RBMS3: variants seen among roughly 807,000 people sequenced by gnomAD.
RBMS3 encodes the protein RNA-binding motif, single-stranded-interacting protein 3.
RBMS3 carries 27 observed loss-of-function variants against 66.8 expected under a neutral mutation model. That is an observed-to-expected ratio of 0.40 (90% CI 0.30 to 0.56). The LOEUF (loss-of-function observed/expected upper bound fraction) is 0.56, where lower values mean the gene tolerates loss of function less well. Ranked by LOEUF, RBMS3 falls within the 20% of genes least tolerant of loss-of-function variation. The probability of loss-of-function intolerance (pLI) is 0.40; values close to 1 mark genes in which losing one functional copy is unlikely to be tolerated. For synonymous variants in RBMS3, 188 were observed against 183.0 expected (o/e 1.03, Z -0.22); for missense variants, 513 against 549.5 (o/e 0.93, Z 0.66).
chr3:29,428,784 C>T (rs2041065273), intron 1 of RBMS3, among the ~76,000 whole-genome samples: 1 of 152,156 alleles, frequency 6.6e-6, no homozygotes. Flanking sequence ...AACCATGAAT[C>T]TTGACAAATG....
chr3:29,297,060 T>A (rs1044491774), intron 1 of RBMS3, among the ~76,000 whole-genome samples: 10 of 151,450 alleles, frequency 6.6e-5, no homozygotes, highest in Non-Finnish European at 1.5e-5. Context: ...ACGAAAACAG[T>A]GTGGTTAGGT....
chr3:29,334,512 T>C (rs768190556), intron 1 of RBMS3, among the ~76,000 whole-genome samples: 6 of 152,164 alleles, frequency 3.9e-5, no homozygotes, highest in Non-Finnish European at 7.4e-5. Flanking sequence ...AGTTTAATTT[T>C]TTTTTGCAGC....
Position 29,988,808 on chromosome 3 carries a change from A to T in RBMS3, c.1179+585A>T, listed in dbSNP as rs376623112. On this transcript the variant is annotated intron_variant, in intron 13 of 14. Coordinates refer to ENST00000383767, the MANE Select transcript of RBMS3 (RefSeq NM_001003793.3). ...GAAAAGGAAAAAAAAAGAAATGTAG[A>T]CTTTTAGGTACTATCCAGACCTACT... 2.5e-3 allele frequency among the ~76,000 whole-genome samples: 382 copies of T among 152,254 alleles called. 3 individuals carry two copies. Among genetic ancestry groups the T allele is most frequent in the African/African-American group, 9.0e-3 (373 of 41,558 alleles).
chr3:29,930,620 T>C (rs2061094560), intron 10 of RBMS3, among the ~76,000 whole-genome samples: 1 of 152,056 alleles, frequency 6.6e-6, no homozygotes, highest in Non-Finnish European at 1.5e-5. Flanking sequence ...TAGGTGCTAA[T>C]AGCACACCTC....
rs753447532 is a variant in RBMS3 at position 29,762,902 on chromosome 3, T to C, written c.558-8T>C. ...ATATATGACCTCTGGTTTACCTTTT[T>C]TTCCCAGAATGGAGTCTACTGAAAA... On this transcript the variant is annotated splice_region_variant and splice_polypyrimidine_tract_variant and intron_variant, in intron 5 of 14. Transcript: ENST00000383767. 2 of 1,593,230 alleles carry C rather than the reference T, an allele frequency of 1.3e-6. No individual in the cohort carries two copies. Among genetic ancestry groups the C allele is most frequent in the East Asian group, 4.5e-5 (2 of 44,552 alleles).
intron 2 of RBMS3, among the ~76,000 whole-genome samples, chr3:29,471,175 G>A (rs1040983920): frequency 2.0e-5 from 3 of 152,124 alleles, no homozygotes; most frequent in African/African-American, 7.2e-5. Context: ...TGTGTGTGAA[G>A]GAGTTATAAC....
At chr3:29,431,729 C>T (rs551247990) in intron 1 of RBMS3, among the ~76,000 whole-genome samples, 1 of 152,068 alleles carries the variant, frequency 6.6e-6, no homozygotes, top group Non-Finnish European at 1.5e-5. Context: ...GTTATTTTTA[C>T]TTTTTATTTT....
At chr3:29,456,998 A>G (rs568264086) in intron 2 of RBMS3, among the ~76,000 whole-genome samples, 1 of 152,326 alleles carries the variant, frequency 6.6e-6, no homozygotes, top group South Asian at 2.1e-4. Flanking sequence ...TATGATGGTT[A>G]TGGTGAGCCA....
chr3:29,535,710 C>CTTT (rs149022808), intron 3 of RBMS3, among the ~76,000 whole-genome samples: 7,957 of 39,704 alleles, frequency 0.2, 2,670 homozygotes, highest in Non-Finnish European at 0.23. Flanking sequence ...GATCATTGCT[C>CTTT]TTTTTTTTTT....
In RBMS3 at chr3:29,434,868, C is replaced by T. The variant is rs2041339868; in HGVS notation, c.201C>T (p.Gly67=). The change falls in exon 2 of 15, where the codon GGC becomes GGT. Residue 67 remains glycine (G), a synonymous_variant. Transcript: ENST00000383767. ...GTAAAACCAACCTGTACATTCGAGG[C>T]CTCCCACCAGGCACCACTGACCAGG... ...QLSKTNLYIR[G]LPPGTTDQDL... is the part of the protein sequence containing the mutation. 7 of 1,614,000 alleles carry T rather than the reference C, an allele frequency of 4.3e-6. No individual in the cohort carries two copies. The highest frequency in any genetic ancestry group is 4.0e-5 in the African/African-American group (3 of 74,904).
chr3:29,892,843 G>GTATGTATGTATTTATT (rs1336972891), intron 8 of RBMS3, among the ~76,000 whole-genome samples: 5,952 of 137,108 alleles, frequency 0.043, 178 homozygotes, highest in Middle Eastern at 0.061. Flanking sequence ...ATGTATGTAT[G>GTATGTATGTATTTATT]TATTTATTTA....
rs897093121 is a variant in RBMS3 at position 29,385,235 on chromosome 3, G to A, written c.76-49508G>A. 2.6e-5 allele frequency among the ~76,000 whole-genome samples: 4 copies of A among 152,264 alleles called. No homozygotes were observed. The East Asian group carries it at 5.8e-4, about 22-fold the overall frequency. ...TGGAGCACATGCTAAAGTGACCACA[G>A]TTGTTTTTAATGCCCAGCAGACCTT... is the stretch of plus-strand genomic sequence containing the variant. On this transcript the variant is annotated intron_variant, in intron 1 of 14. Coordinates refer to ENST00000383767, the MANE Select transcript of RBMS3 (RefSeq NM_001003793.3).
rs1234981879 is a variant in RBMS3 at position 29,507,498 on chromosome 3, A to T, written c.307+18999A>T. Among the ~76,000 whole-genome samples, 3 of 51,226 alleles carry T rather than the reference A, an allele frequency of 5.9e-5. No homozygotes were observed. In the East Asian group the frequency reaches 1.2e-3, roughly 21 times the overall value. 33.6% of individuals were successfully genotyped at this position (51,226 alleles called of 152,430 possible). A position where few individuals can be genotyped will look rare whatever the true frequency, so the allele number is the denominator to read the frequency against. ...TAGCTATAGTATGATATTAATTGCG[A>T]AAAAAAAAGACAAATCTATGTATGC... On this transcript the variant is annotated intron_variant, in intron 3 of 14. Coordinates refer to ENST00000383767, the MANE Select transcript of RBMS3 (RefSeq NM_001003793.3).
At chr3:29,700,123 G>T (rs1242263391) in intron 4 of RBMS3, among the ~76,000 whole-genome samples, 2 of 152,110 alleles carry the variant, frequency 1.3e-5, no homozygotes, top group Non-Finnish European at 1.5e-5. Flanking sequence ...TCACAATACT[G>T]GACTATGTGA....
At position 29,633,616 on chromosome 3, in the gene RBMS3, G is replaced by A. The variant is rs147437639; in HGVS notation, c.399+46411G>A. ...GGGAAACTACTGATGTGGCTAATGG[G>A]CACAAACCTGTTTCTACCCTAAAAA... On this transcript the variant is annotated intron_variant, in intron 4 of 14. Coordinates refer to ENST00000383767, the MANE Select transcript of RBMS3 (RefSeq NM_001003793.3). Among the ~76,000 whole-genome samples, 1,213 of 151,754 alleles carry A rather than the reference G, an allele frequency of 8.0e-3. 11 individuals carry two copies. Among genetic ancestry groups the A allele is most frequent in the African/African-American group, 0.028 (1,154 of 41,412 alleles).
At chr3:29,519,001 G>A (rs988721835) in intron 3 of RBMS3, among the ~76,000 whole-genome samples, 8 of 152,114 alleles carry the variant, frequency 5.3e-5, no homozygotes, top group Non-Finnish European at 1.0e-4. Flanking sequence ...AGTAGAATAC[G>A]CAGAGAGCAA....
chr3:29,850,637 T>G (rs138760948), intron 6 of RBMS3, among the ~76,000 whole-genome samples: 114 of 152,318 alleles, frequency 7.5e-4, no homozygotes, highest in African/African-American at 2.6e-3. Flanking sequence ...GATCTTAGAT[T>G]ATCTCTCCTC....
chr3:29,301,141 G>A (rs1329782406), intron 1 of RBMS3, among the ~76,000 whole-genome samples: 2 of 151,940 alleles, frequency 1.3e-5, no homozygotes, highest in East Asian at 3.9e-4. Context: ...ACTGAAGCAT[G>A]ATCTAAATCC....
intron 5 of RBMS3, among the ~76,000 whole-genome samples, chr3:29,754,157 T>G (rs1306819436): frequency 1.3e-5 from 2 of 152,020 alleles, no homozygotes; most frequent in African/African-American, 4.8e-5. Flanking sequence ...TTTCACCATG[T>G]TGGCCAGGCT....
Sources: allele counts gnomAD v4.1 joint callset (sites outside exome capture counted in the v4.1 genomes callset), GRCh38; gene constraint gnomAD v4.1.1; transcripts MANE v1.5; gene names NCBI Gene and HGNC (gene_info 2026-07-23, HGNC 2026-07-21).